The following CRNN variants were observed in gnomAD, a reference collection of about 807,000 sequenced individuals.
CRNN encodes cornulin.
CRNN carries 39 observed loss-of-function variants against 44.7 expected under a neutral mutation model. The ratio of observed to expected loss-of-function variants is 0.87; its 90% CI spans 0.68 to 1.14. CRNN has a LOEUF of 1.14. CRNN is among the 50% of genes most tolerant of loss of function. The pLI is 0.00. For synonymous variants in CRNN, 240 were observed against 231.8 expected (o/e 1.04, Z -0.32); for missense variants, 606 against 605.1 (o/e 1.00, Z -0.02).
intron 1 of CRNN, among the ~76,000 whole-genome samples, chr1:152,412,744 T>C (rs1655805528): frequency 6.6e-6 from 1 of 152,196 alleles, no homozygotes; most frequent in Non-Finnish European, 1.5e-5. Context: ...CACTTTTTTT[T>C]ATAGGTGAGG....
chr1:152,409,841 C>G lies in CRNN; in HGVS notation c.1241G>C (p.Arg414Thr). The change falls in exon 3 of 3, where the codon AGG (arginine) becomes ACG (threonine). Residue 414 changes from arginine to threonine, a missense_variant. By Grantham distance (71) the Arg-to-Thr change is moderately conservative. Coordinates refer to ENST00000271835, the MANE Select transcript of CRNN (RefSeq NM_016190.3). ...TGGGTGAGTGCTGCTCCACTCCTGC[C>G]TTCCTGACTCAGTGCTTGCCCCAGT... Reference protein sequence around the residue: ...AQTGASTESGRQEWSSTHPRR... With the variant: ...AQTGASTESGTQEWSSTHPRR... 1 of 1,614,232 alleles carries G rather than the reference C, an allele frequency of 6.2e-7. No individual in the cohort carries two copies. The highest frequency in any genetic ancestry group is 8.5e-7 in the Non-Finnish European group (1 of 1,180,046).
chr1:152,410,839 A>G lies in CRNN; in HGVS notation c.243T>C (p.Val81=), dbSNP rs1460172967. ...TCAGTGTCTTGAAACAGGCCTGGGC[A>G]ACTTTAAACACTAAGACCAGGAATT... is the stretch of plus-strand genomic sequence containing the variant. The part of the protein sequence containing the change: ...FKEFLVLVFK[V]AQACFKTLSE... The change falls in exon 3 of 3, where the codon GTT becomes GTC. Residue 81 remains valine (V), a synonymous_variant. Transcript: ENST00000271835. 3 of 1,614,222 alleles carry G rather than the reference A, an allele frequency of 1.9e-6. No homozygotes were observed. The highest frequency in any genetic ancestry group is 2.5e-6 in the Non-Finnish European group (3 of 1,180,044).
chr1:152,411,407 G>A (rs1304482020), intron 2 of CRNN, among the ~76,000 whole-genome samples: 1 of 152,132 alleles, frequency 6.6e-6, no homozygotes, highest in Non-Finnish European at 1.5e-5. Context: ...TGATAAAGAG[G>A]GAGGGAAGCA....
rs1318883900 is a variant in CRNN, at chr1:152,409,624, C to T, written c.1458G>A (p.Leu486=). The change falls in exon 3 of 3, where the codon CTG becomes CTA. Residue 486 remains leucine (L), a synonymous_variant. Transcript: ENST00000271835. Reference sequence around the variant, plus strand: ...GCTTGGTGCTTCTCAAGTAGGAATACAGCTCTCTAGCTGTGATGCCTCGCT... The same window carrying T: ...GCTTGGTGCTTCTCAAGTAGGAATATAGCTCTCTAGCTGTGATGCCTCGCT... The part of the protein sequence containing the change: ...EEKRGITARE[L]YSYLRSTKP The T allele has an allele frequency of 3.7e-6, 6 of 1,613,062 alleles. No individual in the cohort carries two copies. The East Asian group carries it at 1.1e-4, about 30-fold the overall frequency.
chr1:152,410,396 C>T lies in CRNN; in HGVS notation c.686G>A (p.Gly229Glu). 6.2e-7 allele frequency: 1 copy of T among 1,614,070 alleles called. No homozygotes were observed. Among genetic ancestry groups the T allele is most frequent in the Admixed American group, 1.7e-5 (1 of 60,010 alleles). The change falls in exon 3 of 3, where the codon GGA (glycine) becomes GAA (glutamate). Residue 229 changes from glycine to glutamate, a missense_variant. Coordinates refer to ENST00000271835, the MANE Select transcript of CRNN (RefSeq NM_016190.3). The part of the protein sequence containing the change: ...RAHQTGETVT[G>E]SGTQTQAGAT... ...ACCTGCCTGGGTCTGAGTTCCAGAT[C>T]CAGTCACAGTCTCACCTGTCTGGTG...
intron 2 of CRNN, 132 bp downstream of exon 2, chr1:152,411,964 C>T: frequency 2.1e-6 from 2 of 957,018 alleles, no homozygotes; most frequent in Non-Finnish European, 3.0e-6. Context: ...TCTGCCTGCA[C>T]AGCTGCCATC....
rs369435747 is a variant in CRNN, at chr1:152,409,734, T to A, written c.1348A>T (p.Thr450Ser). 8 of 1,614,072 alleles carry A rather than the reference T, an allele frequency of 5.0e-6. No individual in the cohort carries two copies. The highest frequency in any genetic ancestry group is 5.9e-6 in the Non-Finnish European group (7 of 1,180,038). ...CCCTGGTCCAGCCTGAGGATCACTG[T>A]CTCCCTTGAGTGGTCATCAACCCAT... ...EEWVDDHSRE[T>S]VILRLDQGNL... Residue 450 changes from threonine to serine, a missense_variant, in exon 3 of 3, where the codon ACA (threonine) becomes TCA (serine). Coordinates refer to ENST00000271835, the MANE Select transcript of CRNN (RefSeq NM_016190.3).
intron 1 of CRNN, among the ~76,000 whole-genome samples, chr1:152,413,270 G>A (rs1655822717): frequency 6.6e-6 from 1 of 152,214 alleles, no homozygotes; most frequent in Non-Finnish European, 1.5e-5. Context: ...TCTAGAGGTA[G>A]GTTGAGGTGA....
Position 152,412,182 on chromosome 1 carries a change from A to T in CRNN, c.52T>A (p.Tyr18Asn), listed in dbSNP as rs752717648. Residue 18 changes from tyrosine (Y) to asparagine (N), a missense_variant, in exon 2 of 3, where the codon TAT becomes AAT. By Grantham distance (143) the Tyr-to-Asn change is moderately radical (BLOSUM62 -2). Transcript: ENST00000271835. ...INGIIEAFRR[Y>N]ARTEGNCTAL... ...GTGCAGTTGCCCTCCGTCCTTGCAT[A>T]GCGCCTGAAGGCCTCGATGATCCCA... 6.2e-6 allele frequency: 10 copies of T among 1,613,608 alleles called. No homozygotes were observed. In the Admixed American group the frequency reaches 1.7e-4, roughly 27 times the overall value.
intron 1 of CRNN, among the ~76,000 whole-genome samples, chr1:152,413,487 A>G (rs191352288): frequency 6.6e-6 from 1 of 152,264 alleles, no homozygotes; most frequent in East Asian, 1.9e-4. Context: ...AAAGGAAGGA[A>G]GGAGACTTGA....
At chr1:152,412,276 C>T (rs1456789199) in intron 1 of CRNN, 30 bp from the exon 2 acceptor site, 3 of 1,585,060 alleles carry the variant, frequency 1.9e-6, no homozygotes, top group Non-Finnish European at 1.7e-6. Context: ...CCCTTGGAGG[C>T]TCCATAATCA....
chr1:152,410,694 GC>G lies in CRNN; in HGVS notation c.387del (p.Gln130SerfsTer50). On this transcript the variant is annotated frameshift_variant, in exon 3 of 3. Coordinates refer to ENST00000271835, the MANE Select transcript of CRNN (RefSeq NM_016190.3). LOFTEE classifies it high-confidence loss of function. Reference protein sequence around the residue: ...SGTEVGRAGKGQHYEGSSHRQ... With the variant: ...SGTEVGRAGKXQHYEGSSHRQ... ...CTGTGGCTGCTCCCCTCATAATGCT[GC>G]CCTTTCCCCGCCCTTCCCACTTCAG... 6.2e-7 allele frequency: 1 copy of G among 1,613,998 alleles called. No individual in the cohort carries two copies. Among genetic ancestry groups the G allele is most frequent in the Non-Finnish European group, 8.5e-7 (1 of 1,179,948 alleles).
intron 1 of CRNN, among the ~76,000 whole-genome samples, chr1:152,413,208 A>T (rs945203269): frequency 6.6e-6 from 1 of 152,208 alleles, no homozygotes; most frequent in East Asian, 1.9e-4. Context: ...CTGGTGACCT[A>T]TGAGTTGGTT....
chr1:152,409,874 T>G lies in CRNN; in HGVS notation c.1208A>C (p.Gln403Pro). Residue 403 changes from glutamine (Q) to proline (P), a missense_variant, in exon 3 of 3, where the codon CAG (glutamine) becomes CCG (proline). Transcript: ENST00000271835. ...PEAGETVPGG[Q>P]AQTGASTESG... ...CTCAGTGCTTGCCCCAGTCTGGGCC[T>G]GTCCTCCCGGTACTGTCTCTCCTGC... The G allele has an allele frequency of 6.2e-7, 1 of 1,614,220 alleles. No individual in the cohort carries two copies. The highest frequency in any genetic ancestry group is 2.2e-5 in the East Asian group (1 of 44,878).
Position 152,410,335 on chromosome 1 carries a change from C to T in CRNN, c.747G>A (p.Gln249=), listed in dbSNP as rs574082627. The change falls in exon 3 of 3, where the codon CAG becomes CAA. Residue 249 remains glutamine (Q), a synonymous_variant. Coordinates refer to ENST00000271835, the MANE Select transcript of CRNN (RefSeq NM_016190.3). ...GTGTCTGCTTGCTGGTTCTTCCTGT[C>T]TGGTGGCTGCTGTCCTGCTCCACAG... is the stretch of plus-strand genomic sequence containing the variant. ...TQTVEQDSSH[Q]TGRTSKQTQE... The T allele has an allele frequency of 1.2e-6, 2 of 1,613,926 alleles. No individual in the cohort carries two copies. Among genetic ancestry groups the T allele is most frequent in the South Asian group, 1.1e-5 (1 of 91,052 alleles).
rs1655680106 is a variant in CRNN at position 152,409,480 on chromosome 1, G to A, written c.*114C>T. Reference sequence around the variant, plus strand: ...TCATTGAGAAAGACCTAAAAGGGAAGCTGCATAATGAAGAGCTGATGTCCA... The same window carrying A: ...TCATTGAGAAAGACCTAAAAGGGAAACTGCATAATGAAGAGCTGATGTCCA... On this transcript the variant is annotated 3_prime_UTR_variant, in exon 3 of 3. Coordinates refer to ENST00000271835, the MANE Select transcript of CRNN (RefSeq NM_016190.3). The A allele has an allele frequency of 6.7e-7, 1 of 1,497,802 alleles. No individual in the cohort carries two copies. The highest frequency in any genetic ancestry group is 8.9e-7 in the Non-Finnish European group (1 of 1,126,140). 92.8% of individuals were successfully genotyped at this position (1,497,802 alleles called of 1,614,324 possible). A position where few individuals can be genotyped will look rare whatever the true frequency, so the allele number is the denominator to read the frequency against.
In CRNN at chr1:152,410,702, C is replaced by T. The variant is rs1294299105; in HGVS notation, c.380G>A (p.Gly127Glu). The T allele has an allele frequency of 1.9e-6, 3 of 1,613,944 alleles. No individual in the cohort carries two copies. Among genetic ancestry groups the T allele is most frequent in the Non-Finnish European group, 1.7e-6 (2 of 1,179,960 alleles). ...QRSGTEVGRA[G>E]KGQHYEGSSH... ...GCTCCCCTCATAATGCTGCCCTTTC[C>T]CCGCCCTTCCCACTTCAGTGCCACT... is the stretch of plus-strand genomic sequence containing the variant. Residue 127 changes from glycine to glutamate, a missense_variant, in exon 3 of 3, where the codon GGG (glycine) becomes GAG (glutamate). Gly to Glu is a moderately conservative substitution (Grantham distance 98, BLOSUM62 -2). Transcript: ENST00000271835.
Position 152,409,647 on chromosome 1 carries a change from G to C in CRNN, c.1435C>G (p.Arg479Gly). ...GQDAAQSEEK[R>G]GITARELYSY... ...TACAGCTCTCTAGCTGTGATGCCTC[G>C]CTTCTCTTCTGACTGGGCTGCATCC... Residue 479 changes from arginine to glycine, a missense_variant, in exon 3 of 3, where the codon CGA becomes GGA. Arg to Gly is a moderately radical substitution (Grantham distance 125, BLOSUM62 -2). Coordinates refer to ENST00000271835, the MANE Select transcript of CRNN (RefSeq NM_016190.3). 1 of 1,614,080 alleles carries C rather than the reference G, an allele frequency of 6.2e-7. No individual in the cohort carries two copies. The highest frequency in any genetic ancestry group is 2.2e-5 in the East Asian group (1 of 44,870).
chr1:152,412,280 A>T, intron 1 of CRNN, 34 bp from the exon 2 acceptor site: 2 of 1,583,996 alleles, frequency 1.3e-6, no homozygotes, highest in Non-Finnish European at 1.7e-6. Flanking sequence ...TGGAGGCTCC[A>T]TAATCAACCT....
Sources: gnomAD v4.1 joint callset for allele counts (sites outside exome capture counted in the v4.1 genomes callset) on GRCh38, gnomAD v4.1.1 for gene constraint, MANE v1.5 for transcripts, NCBI Gene and HGNC (gene_info 2026-07-23, HGNC 2026-07-21) for gene names.